EPS8: variants seen among roughly 807,000 people sequenced by gnomAD.
EPS8 encodes the protein epidermal growth factor receptor kinase substrate 8.
In EPS8, 42 loss-of-function variants were observed where a neutral mutation model predicts 103.8. The observed-to-expected ratio is 0.40, with a 90% CI of 0.32 to 0.52. The LOEUF (loss-of-function observed/expected upper bound fraction) is 0.52. Among genes scored for constraint, EPS8 ranks in the 20% least tolerant of loss-of-function variants. The pLI is 0.40. For synonymous variants in EPS8, 344 were observed against 344.6 expected, an observed-to-expected ratio of 1.00 and a Z score of 0.02; for missense variants, 969 against 1,005.1, an observed-to-expected ratio of 0.96 and a Z score of 0.49.
Position 15,630,749 on chromosome 12 carries a change from T to C in EPS8, c.2044+693A>G, listed in dbSNP as rs557110249. 5.9e-5 allele frequency among the ~76,000 whole-genome samples: 9 copies of C among 152,290 alleles called. No homozygotes were observed. In the South Asian group the frequency reaches 1.0e-3, roughly 18 times the overall value. On this transcript the variant is annotated intron_variant, in intron 18 of 20. Coordinates refer to ENST00000281172, the MANE Select transcript of EPS8 (RefSeq NM_004447.6). The stretch of plus-strand genomic sequence containing the variant: ...GATGATGGCGACAGCAGGATGTAGT[T>C]AGTGACTGCATATTACGTGTCATAC...
Position 15,747,288 on chromosome 12 carries a change from A to T in EPS8, c.-22+41873T>A, listed in dbSNP as rs1057229858. On this transcript the variant is annotated intron_variant, in intron 1 of 20. Transcript: ENST00000281172. The surrounding 1 kb of genome is among the most constrained non-coding windows in gnomAD (Gnocchi z 4.4). ...AAACTGATTTTATTTTGGTTCTTTT[A>T]AGTGCATGGTCTAATTTATTAATGG... Among the ~76,000 whole-genome samples, 36 of 152,320 alleles carry T rather than the reference A, an allele frequency of 2.4e-4. No individual in the cohort carries two copies. Among genetic ancestry groups the T allele is most frequent in the African/African-American group, 8.7e-4 (36 of 41,546 alleles).
intron 1 of EPS8, among the ~76,000 whole-genome samples, chr12:15,718,224 C>T (rs555845489): frequency 1.3e-5 from 2 of 152,126 alleles, no homozygotes; most frequent in African/African-American, 2.4e-5. Context: ...AGATCCAATA[C>T]CCCAGAACAT....
In EPS8 at chr12:15,666,976, C is replaced by T. The variant is rs578083633; in HGVS notation, c.517-454G>A. On this transcript the variant is annotated intron_variant, in intron 6 of 20. Transcript: ENST00000281172. ...TCTACTACACCCATAAGATAAACTCCAACGCTAGGTTTTACCCCTTTGGGT... is the reference window on the plus strand; with the variant it reads ...TCTACTACACCCATAAGATAAACTCTAACGCTAGGTTTTACCCCTTTGGGT... 8.9e-4 allele frequency among the ~76,000 whole-genome samples: 135 copies of T among 152,264 alleles called. 1 individual carries two copies. The highest frequency in any genetic ancestry group is 3.2e-3 in the African/African-American group (134 of 41,560).
chr12:15,631,715 C>A, intron 17 of EPS8, 51 bp from the exon 18 acceptor site: 2 of 1,419,028 alleles, frequency 1.4e-6, no homozygotes, highest in Non-Finnish European at 1.9e-6. Flanking sequence ...TAAACCTAGG[C>A]TAGGAAAACA....
In EPS8 at chr12:15,727,808, A is replaced by C. The variant is rs546219392; in HGVS notation, c.-21-44836T>G. Among the ~76,000 whole-genome samples, 1 of 152,326 alleles carries C rather than the reference A, an allele frequency of 6.6e-6. No individual in the cohort carries two copies. Among genetic ancestry groups the C allele is most frequent in the South Asian group, 2.1e-4 (1 of 4,828 alleles). ...GGGAGGTGGAGGTTGCAGTGAGCCA[A>C]GGTTGTGCCACTGCACTCCAGCCTG... On this transcript the variant is annotated intron_variant, in intron 1 of 20. Coordinates refer to ENST00000281172, the MANE Select transcript of EPS8 (RefSeq NM_004447.6). This position sits in a 1 kb window ranked among gnomAD's most constrained non-coding sequence, Gnocchi z 4.3.
In EPS8 at chr12:15,654,012, C is replaced by T. The variant is rs548558952; in HGVS notation, c.1250+133G>A. 14 of 788,118 alleles carry T rather than the reference C, an allele frequency of 1.8e-5. No homozygotes were observed. In the Middle Eastern group the frequency reaches 2.4e-3, roughly 133 times the overall value. 48.8% of individuals were successfully genotyped at this position (788,118 alleles called of 1,614,324 possible). On this transcript the variant is annotated intron_variant, in intron 13 of 20. Transcript: ENST00000281172. ...TCTATCTCTTCCACTAGACTTCTAG[C>T]CTTTAAGGGTTTAGGTTTTTTCATC...
Position 15,700,537 on chromosome 12 carries a change from T to G in EPS8, c.-21-17565A>C, listed in dbSNP as rs1016239462. ...CAGAAACTAATTTAGAAGTATAGAA[T>G]TAAATTGAAAATTTAAAAAGAAATT... On this transcript the variant is annotated intron_variant, in intron 1 of 20. Coordinates refer to ENST00000281172, the MANE Select transcript of EPS8 (RefSeq NM_004447.6). The surrounding 1 kb of genome is among the most constrained non-coding windows in gnomAD (Gnocchi z 5.1). Among the ~76,000 whole-genome samples, 3 of 152,210 alleles carry G rather than the reference T, an allele frequency of 2.0e-5. No homozygotes were observed. Among genetic ancestry groups the G allele is most frequent in the Non-Finnish European group, 4.4e-5 (3 of 68,036 alleles).
chr12:15,712,946 G>A (rs781026294), intron 1 of EPS8: 9 of 985,306 alleles, frequency 9.1e-6, no homozygotes, highest in Non-Finnish European at 1.1e-5. Flanking sequence ...GTGACCTTTG[G>A]CACAACGTCA....
chr12:15,717,116 G>A lies in EPS8; in HGVS notation c.-21-34144C>T, dbSNP rs1316071843. Among the ~76,000 whole-genome samples, 1 of 152,172 alleles carries A rather than the reference G, an allele frequency of 6.6e-6. No homozygotes were observed. The highest frequency in any genetic ancestry group is 1.5e-5 in the Non-Finnish European group (1 of 68,030). On this transcript the variant is annotated intron_variant, in intron 1 of 20. Transcript: ENST00000281172. The surrounding 1 kb of genome is among the most constrained non-coding windows in gnomAD (Gnocchi z 4.3). Reference sequence around the variant, plus strand: ...TGCTTTAACAATTTACCTGGAGAGGGACAGGAGATGCAATATGACTTATCT... The same window carrying A: ...TGCTTTAACAATTTACCTGGAGAGGAACAGGAGATGCAATATGACTTATCT...
At chr12:15,685,262 T>C (rs1946075707) in intron 1 of EPS8, among the ~76,000 whole-genome samples, 1 of 152,144 alleles carries the variant, frequency 6.6e-6, no homozygotes, top group South Asian at 2.1e-4. Context: ...TCTGTCTCAA[T>C]GTCCTCGTCA....
intron 13 of EPS8, 90 bp from the exon 14 acceptor site, chr12:15,651,096 G>GCA: frequency 1.0e-6 from 1 of 960,666 alleles, no homozygotes; most frequent in Non-Finnish European, 1.6e-6. Flanking sequence ...ACATACACAC[G>GCA]CACACACACA....
chr12:15,632,287 A>C (rs1053270442), intron 17 of EPS8, among the ~76,000 whole-genome samples: 3 of 152,138 alleles, frequency 2.0e-5, no homozygotes, highest in Admixed American at 1.3e-4. Flanking sequence ...ATTGCAACTT[A>C]CAAACGAATA....
Position 15,698,559 on chromosome 12 carries a change from A to G in EPS8, c.-21-15587T>C, listed in dbSNP as rs201246909. On this transcript the variant is annotated intron_variant, in intron 1 of 20. Coordinates refer to ENST00000281172, the MANE Select transcript of EPS8 (RefSeq NM_004447.6). This position sits in a 1 kb window ranked among gnomAD's most constrained non-coding sequence, Gnocchi z 4.9. The stretch of plus-strand genomic sequence containing the variant: ...GAAAAATAAATCTTCATCCTCTTTA[A>G]AAAAAAAAAAAAAATTTAGCTGCTA... 1.6e-5 allele frequency among the ~76,000 whole-genome samples: 1 copy of G among 61,018 alleles called. No homozygotes were observed. Among genetic ancestry groups the G allele is most frequent in the Non-Finnish European group, 4.3e-5 (1 of 23,156 alleles). 40.0% of individuals were successfully genotyped at this position (61,018 alleles called of 152,430 possible).
chr12:15,768,706 A>G (rs1017780982), intron 1 of EPS8, among the ~76,000 whole-genome samples: 4 of 152,106 alleles, frequency 2.6e-5, no homozygotes, highest in Non-Finnish European at 4.4e-5. Context: ...AAATCTACAC[A>G]GGGAAAAACT....
intron 1 of EPS8, among the ~76,000 whole-genome samples, chr12:15,788,306 A>G (rs951711474): frequency 3.3e-5 from 5 of 152,238 alleles, no homozygotes; most frequent in Non-Finnish European, 7.3e-5. Context: ...GGAGGATTCT[A>G]ATTCCTAATC....
At chr12:15,744,320 T>C (rs1946854183) in intron 1 of EPS8, among the ~76,000 whole-genome samples, 1 of 152,234 alleles carries the variant, frequency 6.6e-6, no homozygotes, top group Non-Finnish European at 1.5e-5. Context: ...TGAGATACCA[T>C]GTGATAGCGT....
rs993803895 is a variant in EPS8 at position 15,747,917 on chromosome 12, G to A, written c.-22+41244C>T. 6.6e-6 allele frequency among the ~76,000 whole-genome samples: 1 copy of A among 152,090 alleles called. No individual in the cohort carries two copies. The highest frequency in any genetic ancestry group is 1.5e-5 in the Non-Finnish European group (1 of 68,016). Reference sequence around the variant, plus strand: ...CACCTGTAGTCCCAGCTACTCGGGAGTCTGAGGCAGGAGAATCGCTTGAAC... The same window carrying A: ...CACCTGTAGTCCCAGCTACTCGGGAATCTGAGGCAGGAGAATCGCTTGAAC... On this transcript the variant is annotated intron_variant, in intron 1 of 20. Coordinates refer to ENST00000281172, the MANE Select transcript of EPS8 (RefSeq NM_004447.6). This position sits in a 1 kb window ranked among gnomAD's most constrained non-coding sequence, Gnocchi z 4.4.
At chr12:15,775,340 C>T (rs904725756) in intron 1 of EPS8, among the ~76,000 whole-genome samples, 40 of 152,070 alleles carry the variant, frequency 2.6e-4, no homozygotes, top group African/African-American at 9.4e-4. Context: ...ATAAAAATGA[C>T]ACAAACCACA....
rs1226902157 is a variant in EPS8 at position 15,696,553 on chromosome 12, A to G, written c.-21-13581T>C. Among the ~76,000 whole-genome samples, 15 of 152,084 alleles carry G rather than the reference A, an allele frequency of 9.9e-5. No individual in the cohort carries two copies. Among genetic ancestry groups the G allele is most frequent in the Non-Finnish European group, 1.5e-5 (1 of 68,018 alleles). On this transcript the variant is annotated intron_variant, in intron 1 of 20. Transcript: ENST00000281172. The surrounding 1 kb of genome is among the most constrained non-coding windows in gnomAD (Gnocchi z 4.8). ...CTACTCGGGAGGCTAAGGCAGAAGA[A>G]TTGCTTGAACCCAGGAGGCGGAGGT... is the stretch of plus-strand genomic sequence containing the variant.
Sources: gnomAD v4.1 joint callset for allele counts (sites outside exome capture counted in the v4.1 genomes callset) on GRCh38, gnomAD v4.1.1 for gene constraint, Gnocchi (gnomAD v3.1) non-coding constraint, MANE v1.5 for transcripts, NCBI Gene and HGNC (gene_info 2026-07-23, HGNC 2026-07-21) for gene names.